LRP1B: variants seen among roughly 807,000 people sequenced by gnomAD.
LRP1B encodes low-density lipoprotein receptor-related protein 1B.
In LRP1B, 217 loss-of-function variants were observed where a neutral mutation model predicts 556.6. The ratio of observed to expected loss-of-function variants is 0.39; its 90% CI spans 0.35 to 0.44. The LOEUF (loss-of-function observed/expected upper bound fraction) is 0.44, where lower values mean the gene tolerates loss of function less well. Ranked by LOEUF, LRP1B falls within the 20% of genes least tolerant of loss-of-function variation. The probability of loss-of-function intolerance (pLI) is 1.00; values close to 1 mark genes in which losing one functional copy is unlikely to be tolerated. For synonymous variants in LRP1B, 2,047 were observed against 1,865.8 expected (o/e 1.10, Z -2.50); for missense variants, 5,053 against 5,620.8 (o/e 0.90, Z 3.23).
At chr2:140,434,984 A>T (rs901311192) in intron 66 of LRP1B, among the ~76,000 whole-genome samples, 8 of 152,294 alleles carry the variant, frequency 5.3e-5, no homozygotes, top group Admixed American at 3.3e-4. Context: ...GAGAAAAAAC[A>T]TTAGAATCTT....
chr2:140,601,645 G>T lies in LRP1B; in HGVS notation c.6800-6C>A. On this transcript the variant is annotated splice_region_variant and splice_polypyrimidine_tract_variant and intron_variant, in intron 41 of 90. Coordinates refer to ENST00000389484, the MANE Select transcript of LRP1B (RefSeq NM_018557.3). ...TCCTTCCACAGAACCCACATCTAGT[G>T]GGGGAAGAAAAAGAAAAAATATATA... The T allele has an allele frequency of 6.5e-7, 1 of 1,550,088 alleles. No individual in the cohort carries two copies. Among genetic ancestry groups the T allele is most frequent in the Non-Finnish European group, 8.7e-7 (1 of 1,144,218 alleles).
At chr2:141,855,827 T>C (rs1698031969) in intron 1 of LRP1B, among the ~76,000 whole-genome samples, 1 of 152,154 alleles carries the variant, frequency 6.6e-6, no homozygotes. Context: ...AAAACAACTA[T>C]TTCATACTTG....
rs527725131 is a variant in LRP1B, at chr2:141,681,386, T to C, written c.205+128893A>G. On this transcript the variant is annotated intron_variant, in intron 2 of 90. Coordinates refer to ENST00000389484, the MANE Select transcript of LRP1B (RefSeq NM_018557.3). ...GGTAAGTCTCAGAAAGTCTAAGTAA[T>C]ATGAGAACCTGGCTAACACAACAGC... Among the ~76,000 whole-genome samples, 15 of 152,146 alleles carry C rather than the reference T, an allele frequency of 9.9e-5. No homozygotes were observed. In the South Asian group the frequency reaches 2.5e-3, roughly 25 times the overall value.
At chr2:141,027,869 A>G (rs1698258634) in intron 11 of LRP1B, among the ~76,000 whole-genome samples, 1 of 152,128 alleles carries the variant, frequency 6.6e-6, no homozygotes, top group Non-Finnish European at 1.5e-5. Flanking sequence ...GTGAGGATAC[A>G]GTGAGAAGTC....
intron 18 of LRP1B, among the ~76,000 whole-genome samples, chr2:140,973,018 T>G (rs1043884157): frequency 2.1e-5 from 3 of 145,246 alleles, no homozygotes; most frequent in African/African-American, 7.5e-5. Flanking sequence ...GTTTAGGGCA[T>G]TTTCATATAT....
intron 43 of LRP1B, among the ~76,000 whole-genome samples, chr2:140,582,820 G>T (rs1681826817): frequency 6.6e-6 from 1 of 152,090 alleles, no homozygotes. Context: ...CTAAGATACT[G>T]CAGCATTTAT....
intron 76 of LRP1B, among the ~76,000 whole-genome samples, chr2:140,351,697 A>G (rs775657152): frequency 6.6e-6 from 1 of 152,118 alleles, no homozygotes; most frequent in Non-Finnish European, 1.5e-5. Flanking sequence ...AAAATTATCA[A>G]TTAAAATATT....
At chr2:140,572,069 ATAT>A (rs1457472201) in intron 43 of LRP1B, among the ~76,000 whole-genome samples, 5 of 151,788 alleles carry the variant, frequency 3.3e-5, no homozygotes, top group African/African-American at 7.2e-5. Context: ...ATGCTTTAAG[ATAT>A]TATAGGTCTT....
intron 2 of LRP1B, among the ~76,000 whole-genome samples, chr2:141,766,900 A>T (rs936524794): frequency 6.6e-6 from 1 of 152,098 alleles, no homozygotes; most frequent in Admixed American, 6.6e-5. Flanking sequence ...AACCTATCCC[A>T]ATTGTTTGAA....
At chr2:140,571,900 T>C (rs572589598) in intron 43 of LRP1B, among the ~76,000 whole-genome samples, 2 of 151,798 alleles carry the variant, frequency 1.3e-5, no homozygotes, top group African/African-American at 4.8e-5. Flanking sequence ...TGATTGGGGA[T>C]AGTCCCCTCA....
At chr2:141,927,103 T>C (rs150857281) in intron 1 of LRP1B, among the ~76,000 whole-genome samples, 70 of 152,264 alleles carry the variant, frequency 4.6e-4, no homozygotes, top group African/African-American at 1.4e-3. Flanking sequence ...TTAAATACTA[T>C]GTGGCATATA....
In LRP1B at chr2:141,741,263, C is replaced by CTTTTT. The variant is rs11326947; in HGVS notation, c.205+69011_205+69015dup. On this transcript the variant is annotated intron_variant, in intron 2 of 90. Transcript: ENST00000389484. ...GTTATCTCTTCAGTATACTGATTTC[C>CTTTTT]TTTTTTTTTTTTTTTTTTTTTTTTT... 7.8e-3 allele frequency among the ~76,000 whole-genome samples: 455 copies of CTTTTT among 58,016 alleles called. 5 individuals are homozygous for CTTTTT. Among genetic ancestry groups the CTTTTT allele is most frequent in the East Asian group, 0.011 (28 of 2,526 alleles). The allele number at this position is 58,016 out of a possible 152,430, so 38.1% of individuals were successfully genotyped here. A position where few individuals can be genotyped will look rare whatever the true frequency, so the allele number is the denominator to read the frequency against.
chr2:142,086,435 T>G (rs895094234), intron 1 of LRP1B, among the ~76,000 whole-genome samples: 2 of 152,020 alleles, frequency 1.3e-5, no homozygotes, highest in Non-Finnish European at 2.9e-5. Context: ...TGGTGAAACC[T>G]CCTCTGTACA....
chr2:142,092,248 A>G (rs1349107562), intron 1 of LRP1B, among the ~76,000 whole-genome samples: 1 of 152,176 alleles, frequency 6.6e-6, no homozygotes, highest in Non-Finnish European at 1.5e-5. Flanking sequence ...ATTGGTTGTA[A>G]TTTAATAAAT....
intron 7 of LRP1B, among the ~76,000 whole-genome samples, chr2:141,088,498 C>T (rs1443941074): frequency 6.6e-6 from 1 of 152,124 alleles, no homozygotes; most frequent in Non-Finnish European, 1.5e-5. Flanking sequence ...CAGAGAAACA[C>T]ACCTGAAACG....
intron 35 of LRP1B, among the ~76,000 whole-genome samples, chr2:140,717,215 A>T (rs1185232855): frequency 6.6e-6 from 1 of 152,088 alleles, no homozygotes; most frequent in African/African-American, 2.4e-5. Flanking sequence ...ATCTCCTATT[A>T]AAATGAATAC....
At chr2:141,759,177 T>G (rs1694434114) in intron 2 of LRP1B, among the ~76,000 whole-genome samples, 1 of 152,018 alleles carries the variant, frequency 6.6e-6, no homozygotes, top group Admixed American at 6.6e-5. Context: ...CAGAAAGCCA[T>G]GACATAAAAA....
chr2:141,607,564 A>G (rs940868780), intron 2 of LRP1B, among the ~76,000 whole-genome samples: 1 of 152,104 alleles, frequency 6.6e-6, no homozygotes, highest in Non-Finnish European at 1.5e-5. Context: ...AAACATTTGC[A>G]CTAGTGTCAA....
chr2:140,476,670 A>G (rs903053655), intron 59 of LRP1B, among the ~76,000 whole-genome samples: 9 of 152,036 alleles, frequency 5.9e-5, no homozygotes, highest in Non-Finnish European at 8.8e-5. Flanking sequence ...AAGATAATAC[A>G]AAAGTTATTT....
Sources: gnomAD v4.1 joint callset for allele counts (sites outside exome capture counted in the v4.1 genomes callset) on GRCh38, gnomAD v4.1.1 for gene constraint, MANE v1.5 for transcripts, NCBI Gene and HGNC (gene_info 2026-07-23, HGNC 2026-07-21) for gene names.